The following CELF2 variants were observed in gnomAD, a reference collection of about 807,000 sequenced individuals.
CELF2 encodes the protein CUGBP Elav-like family member 2, also known as CUG triplet repeat RNA-binding protein 2.
CELF2 carries 8 observed loss-of-function variants against 62.6 expected under a neutral mutation model. That is an observed-to-expected ratio of 0.13 (90% CI 0.07 to 0.23). CELF2 has a LOEUF of 0.23. Among genes scored for constraint, CELF2 ranks in the 10% least tolerant of loss-of-function variants. CELF2 has a pLI of 1.00. For synonymous variants in CELF2, 258 were observed against 250.0 expected (o/e 1.03, Z -0.30); for missense variants, 333 against 671.0 (o/e 0.50, Z 5.56).
chr10:10,496,458 T>C, the CELF2 span, among the ~76,000 whole-genome samples: 1 of 152,184 alleles, frequency 6.6e-6, no homozygotes, highest in African/African-American at 2.4e-5. Flanking sequence ...AAAGCCTCTC[T>C]GTTCTTATCT....
chr10:10,747,851 CAT>C, the CELF2 span, among the ~76,000 whole-genome samples: 69,116 of 151,862 alleles, frequency 0.46, 16,840 homozygotes, highest in East Asian at 0.61. Context: ...GGACTACAGG[CAT>C]GTGCCACCAC....
At chr10:10,754,061 G>GTTTT in the CELF2 span, among the ~76,000 whole-genome samples, 7 of 85,056 alleles carry the variant, frequency 8.2e-5, no homozygotes, top group African/African-American at 1.8e-4. Context: ...TGCTGAGGTG[G>GTTTT]TTTTTTTTTT....
Position 11,311,449 on chromosome 10 carries a change from C to A in CELF2, c.977-2690C>A, listed in dbSNP as rs541248033. Among the ~76,000 whole-genome samples, 453 of 152,152 alleles carry A rather than the reference C, an allele frequency of 3.0e-3. 4 individuals are homozygous for A. The highest frequency in any genetic ancestry group is 7.3e-3 in the South Asian group (35 of 4,804). On this transcript the variant is annotated intron_variant, in intron 9 of 12. Transcript: ENST00000633077. This position sits in a 1 kb window ranked among gnomAD's most constrained non-coding sequence, Gnocchi z 4.7. ...TATTTAAGCTCACAACCAAAAAAAA[C>A]CCCACAAAATATACAAGTAAACCAA...
chr10:10,769,982 A>C, the CELF2 span, among the ~76,000 whole-genome samples: 17 of 152,238 alleles, frequency 1.1e-4, no homozygotes, highest in Non-Finnish European at 2.4e-4. Flanking sequence ...TGAACAAGTT[A>C]CATGGTGATG....
At chr10:10,593,338 A>G in the CELF2 span, among the ~76,000 whole-genome samples, 11 of 152,236 alleles carry the variant, frequency 7.2e-5, no homozygotes, top group Non-Finnish European at 1.6e-4. Context: ...CATGCATCCA[A>G]GGTCTCCAGT....
intron 2 of CELF2, among the ~76,000 whole-genome samples, chr10:10,982,717 G>C (rs2052288926): frequency 6.6e-6 from 1 of 152,102 alleles, no homozygotes; most frequent in African/African-American, 2.4e-5. Context: ...ATGACCTAAG[G>C]CATATTCATT....
At chr10:10,867,320 G>A (rs979465774) in intron 1 of CELF2, among the ~76,000 whole-genome samples, 1 of 152,180 alleles carries the variant, frequency 6.6e-6, no homozygotes, top group African/African-American at 2.4e-5. Flanking sequence ...CCTCCATTGT[G>A]AACCATCTTC....
the CELF2 span, among the ~76,000 whole-genome samples, chr10:10,644,784 G>C: frequency 6.6e-6 from 1 of 152,082 alleles, no homozygotes; most frequent in African/African-American, 2.4e-5. Flanking sequence ...TGCACACAGC[G>C]GGCTCTTCTG....
the CELF2 span, among the ~76,000 whole-genome samples, chr10:10,666,109 A>G: frequency 1.3e-5 from 2 of 152,062 alleles, no homozygotes; most frequent in Non-Finnish European, 2.9e-5. Flanking sequence ...TTTCTTTCAT[A>G]CTTATTTACT....
chr10:10,945,703 C>T (rs1032341022), intron 2 of CELF2, among the ~76,000 whole-genome samples: 2 of 152,316 alleles, frequency 1.3e-5, no homozygotes, highest in South Asian at 2.1e-4. Context: ...AATGGTGTCG[C>T]TGACAGTCAC....
At position 10,931,080 on chromosome 10, in the gene CELF2, A is replaced by G. The variant is rs2066008846; in HGVS notation, c.89+11081A>G. On this transcript the variant is annotated intron_variant, in intron 2 of 13. Transcript: ENST00000636488. This position sits in a 1 kb window ranked among gnomAD's most constrained non-coding sequence, Gnocchi z 6.1. ...TAATAAAATTTATTCCCATGTATAC[A>G]TAGATAGTTTTAAACCCTGTAAACC... is the stretch of plus-strand genomic sequence containing the variant. Among the ~76,000 whole-genome samples the G allele has an allele frequency of 6.6e-6, 1 of 152,224 alleles. No individual in the cohort carries two copies. Among genetic ancestry groups the G allele is most frequent in the South Asian group, 2.1e-4 (1 of 4,830 alleles).
the CELF2 span, among the ~76,000 whole-genome samples, chr10:10,726,371 C>T: frequency 3.9e-5 from 6 of 152,192 alleles, no homozygotes; most frequent in Admixed American, 6.5e-5. Flanking sequence ...CTAGACAGAG[C>T]AGCCGTTTCT....
chr10:10,536,095 T>C, the CELF2 span, among the ~76,000 whole-genome samples: 3 of 150,862 alleles, frequency 2.0e-5, no homozygotes, highest in Non-Finnish European at 3.0e-5. Context: ...TCTCGACTCA[T>C]TGCAACCTCC....
intron 1 of CELF2, among the ~76,000 whole-genome samples, chr10:10,874,485 A>G (rs1302941994): frequency 1.3e-5 from 2 of 151,888 alleles, no homozygotes; most frequent in Non-Finnish European, 2.9e-5. Context: ...GGATGTCCAT[A>G]CCAGCTGATA....
rs950959493 is a variant in CELF2, at chr10:11,227,409, A to G, written c.354+9902A>G. The stretch of plus-strand genomic sequence containing the variant: ...ACAGCAGGATGAACACGGCCCCATG[A>G]GACAGCGCTGCTGCTCTCCGCATCA... On this transcript the variant is annotated intron_variant, in intron 3 of 12. Transcript: ENST00000633077. This position sits in a 1 kb window ranked among gnomAD's most constrained non-coding sequence, Gnocchi z 4.8. 1.3e-5 allele frequency among the ~76,000 whole-genome samples: 2 copies of G among 152,188 alleles called. No homozygotes were observed. Among genetic ancestry groups the G allele is most frequent in the African/African-American group, 4.8e-5 (2 of 41,440 alleles).
chr10:11,057,406 TGGA>T (rs924251429), intron 1 of CELF2, among the ~76,000 whole-genome samples: 1 of 152,162 alleles, frequency 6.6e-6, no homozygotes, highest in African/African-American at 2.4e-5. Flanking sequence ...GGTAAACACC[TGGA>T]GGAGATTTTC....
At chr10:10,659,127 A>C in the CELF2 span, among the ~76,000 whole-genome samples, 1 of 152,220 alleles carries the variant, frequency 6.6e-6, no homozygotes, top group African/African-American at 2.4e-5. Context: ...TGCTTTATTT[A>C]ATACTAGCTA....
the CELF2 span, among the ~76,000 whole-genome samples, chr10:10,485,262 C>G: frequency 2.6e-5 from 4 of 152,172 alleles, no homozygotes. Flanking sequence ...CAAGGACCCG[C>G]AATTAGAAGG....
chr10:10,749,943 G>C, the CELF2 span, among the ~76,000 whole-genome samples: 4 of 152,220 alleles, frequency 2.6e-5, no homozygotes, highest in Admixed American at 6.5e-5. Context: ...GGAACAAGTA[G>C]ATAGGACACC....
Sources: allele counts gnomAD v4.1 joint callset (sites outside exome capture counted in the v4.1 genomes callset), GRCh38; gene constraint gnomAD v4.1.1; non-coding constraint Gnocchi (gnomAD v3.1); transcripts MANE v1.5; gene names NCBI Gene and HGNC (gene_info 2026-07-23, HGNC 2026-07-21).